COL3A1: variants seen among roughly 807,000 people sequenced by gnomAD.
The protein encoded by COL3A1 is collagen alpha-1(III) chain.
In COL3A1, 46 loss-of-function variants were observed where a neutral mutation model predicts 200.9. The ratio of observed to expected loss-of-function variants is 0.23; its 90% confidence interval spans 0.18 to 0.29. The LOEUF (loss-of-function observed/expected upper bound fraction) is 0.29. Among genes scored for constraint, COL3A1 ranks in the 10% least tolerant of loss-of-function variants. The pLI is 1.00. For missense variants in COL3A1, 1,367 were observed against 1,917.6 expected (o/e 0.71, Z 5.36); for synonymous variants, 650 against 628.0 (o/e 1.03, Z -0.52).
At chr2:189,007,821 G>C in intron 45 of COL3A1, 64 bp from the exon 46 acceptor site, 3 of 1,570,514 alleles carry the variant, frequency 1.9e-6, no homozygotes, top group Non-Finnish European at 1.8e-6. Flanking sequence ...ATCTGATCTT[G>C]AATGTACAGT....
In COL3A1 at chr2:189,003,027, GGA is replaced by G; in HGVS notation, c.2520_2521del (p.Val841CysfsTer21). ...TGAGAAAGGTGAAGGAGGCCCTCCT[GGA>G]GTTGCAGGACCCCCTGGAGGTTCTG... ...PGEKGEGGPP[G>X]VAGPPGGSGP... is the part of the protein sequence containing the mutation. On this transcript the variant is annotated frameshift_variant, in exon 36 of 51. Coordinates refer to ENST00000304636, the MANE Select transcript of COL3A1 (RefSeq NM_000090.4). LOFTEE classifies it high-confidence loss of function. The G allele has an allele frequency of 6.4e-7, 1 of 1,551,558 alleles. No homozygotes were observed. Among genetic ancestry groups the G allele is most frequent in the Non-Finnish European group, 8.7e-7 (1 of 1,146,946 alleles).
At chr2:188,974,918 T>G (rs1687776057) in intron 1 of COL3A1, among the ~76,000 whole-genome samples, 1 of 152,224 alleles carries the variant, frequency 6.6e-6, no homozygotes, top group African/African-American at 2.4e-5. Flanking sequence ...ATTGGTCTCT[T>G]GCAATAATTT....
At chr2:188,992,850 G>A in intron 14 of COL3A1, 37 bp from the exon 15 acceptor site, 2 of 1,592,458 alleles carry the variant, frequency 1.3e-6, no homozygotes, top group Non-Finnish European at 1.7e-6. Flanking sequence ...TCATTTAGTT[G>A]AAAAAGAGCT....
chr2:188,996,820 C>T lies in COL3A1; in HGVS notation c.1761+324C>T, dbSNP rs182026031. Among the ~76,000 whole-genome samples the T allele has an allele frequency of 9.7e-4, 148 of 152,160 alleles. 1 individual carries two copies. The highest frequency in any genetic ancestry group is 6.4e-3 in the South Asian group (31 of 4,818). On this transcript the variant is annotated intron_variant, in intron 24 of 50. Coordinates refer to ENST00000304636, the MANE Select transcript of COL3A1 (RefSeq NM_000090.4). ...CCTTGCCAACATGGTGAAACCCTGT[C>T]TCCACTAAAAATACAAAAATTAGCC...
At chr2:188,993,932 C>A in intron 16 of COL3A1, 106 bp from the exon 17 acceptor site, 2 of 1,066,040 alleles carry the variant, frequency 1.9e-6, no homozygotes, top group Non-Finnish European at 2.8e-6. Context: ...TTAATCTCTA[C>A]AAAGCATAAC....
intron 40 of COL3A1, 117 bp downstream of exon 40, chr2:189,004,481 AT>A (rs532504977): frequency 4.5e-4 from 406 of 903,534 alleles, no homozygotes; most frequent in Non-Finnish European, 5.7e-4. Flanking sequence ...CCAGGAGATA[AT>A]TTTTTTTTAT....
At chr2:188,999,963 C>A in intron 32 of COL3A1, 68 bp downstream of exon 32, 1 of 1,496,546 alleles carries the variant, frequency 6.7e-7, no homozygotes, top group East Asian at 2.4e-5. Context: ...TGCACTTCAA[C>A]TTTAATTTTT....
chr2:189,010,540 A>G, intron 49 of COL3A1, 108 bp from the exon 50 acceptor site: 1 of 1,521,020 alleles, frequency 6.6e-7, no homozygotes, highest in South Asian at 1.1e-5. Context: ...CTCGTACATA[A>G]AATATATAAA....
At chr2:188,983,569 A>G (rs1687999206) in intron 1 of COL3A1, among the ~76,000 whole-genome samples, 2 of 151,954 alleles carry the variant, frequency 1.3e-5, no homozygotes, top group Non-Finnish European at 2.9e-5. Flanking sequence ...GGCTGCATGT[A>G]GTGCCCAGAT....
In COL3A1 at chr2:188,974,479, G is replaced by T. The variant is rs758290342; in HGVS notation, c.-11G>T. 1.9e-6 allele frequency: 3 copies of T among 1,602,294 alleles called. No homozygotes were observed. Among genetic ancestry groups the T allele is most frequent in the Non-Finnish European group, 2.6e-6 (3 of 1,169,324 alleles). ...TTTTTGCACAAAGAGTCTCATGTCT[G>T]ATATTTAGACATGATGAGCTTTGTG... On this transcript the variant is annotated 5_prime_UTR_variant, in exon 1 of 51. Coordinates refer to ENST00000304636, the MANE Select transcript of COL3A1 (RefSeq NM_000090.4).
In COL3A1 at chr2:188,994,918, CTTAAG is replaced by C; in HGVS notation, c.1455+90_1455+94del. ...CTTCAGGGTGAGACAGCCAATTTTT[CTTAAG>C]TTGAGTGTTCAGTGAAAATATTGTT... On this transcript the variant is annotated intron_variant, in intron 20 of 50. Coordinates refer to ENST00000304636, the MANE Select transcript of COL3A1 (RefSeq NM_000090.4). The surrounding 1 kb of genome is among the most constrained non-coding windows in gnomAD (Gnocchi z 4.5). The C allele has an allele frequency of 6.4e-7, 1 of 1,562,516 alleles. No individual in the cohort carries two copies.
intron 44 of COL3A1, 132 bp downstream of exon 44, chr2:189,007,122 T>TAC: frequency 8.8e-6 from 1 of 113,000 alleles, no homozygotes; most frequent in Non-Finnish European, 1.7e-5. Context: ...TATATATATA[T>TAC]ATATATATAT....
chr2:188,981,452 A>G (rs1687951290), intron 1 of COL3A1, among the ~76,000 whole-genome samples: 1 of 151,590 alleles, frequency 6.6e-6, no homozygotes, highest in Non-Finnish European at 1.5e-5. Context: ...ATAAATTGGA[A>G]CAGAGAGATT....
At chr2:189,005,228 T>C in intron 40 of COL3A1, 122 bp from the exon 41 acceptor site, 2 of 954,168 alleles carry the variant, frequency 2.1e-6, no homozygotes, top group Admixed American at 4.2e-5. Flanking sequence ...TAGTTTTAAT[T>C]TTAAAATTCA....
At position 188,988,659 on chromosome 2, in the gene COL3A1, A is replaced by T; in HGVS notation, c.636+16A>T. The T allele has an allele frequency of 6.3e-7, 1 of 1,579,008 alleles. No individual in the cohort carries two copies. The highest frequency in any genetic ancestry group is 8.7e-7 in the Non-Finnish European group (1 of 1,149,696). Reference sequence around the variant, plus strand: ...TGGTCCTTCAGTAAGTAACAATTAAATTTATATTTAGTAAGTCGATAATTC... The same window carrying T: ...TGGTCCTTCAGTAAGTAACAATTAATTTTATATTTAGTAAGTCGATAATTC... On this transcript the variant is annotated intron_variant, in intron 7 of 50. Transcript: ENST00000304636.
chr2:188,988,241 T>A, intron 6 of COL3A1, 107 bp downstream of exon 6: 1 of 981,424 alleles, frequency 1.0e-6, no homozygotes, highest in Non-Finnish European at 1.6e-6. Flanking sequence ...CCCAGTTAAC[T>A]AGAGAAATCA....
chr2:189,009,288 G>C, intron 48 of COL3A1, 67 bp downstream of exon 48: 1 of 1,579,324 alleles, frequency 6.3e-7, no homozygotes, highest in Non-Finnish European at 8.6e-7. Flanking sequence ...GATTAGAATG[G>C]GAACGAAAAA....
chr2:188,996,270 G>GTGTA (rs1553508183), intron 23 of COL3A1, 92 bp downstream of exon 23: 9 of 686,044 alleles, frequency 1.3e-5, no homozygotes, highest in East Asian at 3.2e-5. Flanking sequence ...GTGTGTGTGT[G>GTGTA]TATATATATA....
At position 189,010,743 on chromosome 2, in the gene COL3A1, A is replaced by T. The variant is rs1362022490; in HGVS notation, c.4107A>T (p.Thr1369=). ...CCAGCCGAGCTTCCCAGAACATCAC[A>T]TATCACTGCAAAAATAGCATTGCAT... ...LLSSRASQNI[T]YHCKNSIAYM... Residue 1369 remains threonine (T), a synonymous_variant, in exon 50 of 51, where the codon ACA becomes ACT. Transcript: ENST00000304636. The T allele has an allele frequency of 1.9e-6, 3 of 1,614,178 alleles. No homozygotes were observed. Among genetic ancestry groups the T allele is most frequent in the Non-Finnish European group, 2.5e-6 (3 of 1,180,016 alleles).
Sources: gnomAD v4.1 joint callset for allele counts (sites outside exome capture counted in the v4.1 genomes callset) on GRCh38, gnomAD v4.1.1 for gene constraint, Gnocchi (gnomAD v3.1) non-coding constraint, MANE v1.5 for transcripts, NCBI Gene and HGNC (gene_info 2026-07-23, HGNC 2026-07-21) for gene names.